Variants in CUX2 observed in about 807,000 individuals in gnomAD.
CUX2 encodes cut like homeobox 2.
A neutral mutation model predicts 144.8 loss-of-function variants in CUX2; 40 were observed. The observed-to-expected ratio is 0.28, with a 90% CI of 0.21 to 0.36. The LOEUF (loss-of-function observed/expected upper bound fraction) is 0.36. Ranked by LOEUF, CUX2 falls within the 10% of genes least tolerant of loss-of-function variation. CUX2 has a pLI of 1.00. For missense variants in CUX2, 1,615 were observed against 1,994.0 expected (o/e 0.81, Z 3.62); for synonymous variants, 827 against 875.6 (o/e 0.94, Z 0.98).
chr12:111,134,049 G>A (rs1875683282), intron 1 of CUX2, among the ~76,000 whole-genome samples: 1 of 152,146 alleles, frequency 6.6e-6, no homozygotes, highest in African/African-American at 2.4e-5. Flanking sequence ...TGAGATTCTG[G>A]GTCTGATTTT....
At position 111,296,474 on chromosome 12, in the gene CUX2, G is replaced by A. The variant is rs375250431; in HGVS notation, c.639G>A (p.Ala213=). Residue 213 remains alanine (A), a splice_region_variant and synonymous_variant, in exon 8 of 22, where the codon GCG becomes GCA. Coordinates refer to ENST00000261726, the MANE Select transcript of CUX2 (RefSeq NM_015267.4). ...CACCCTGCCTCTGCTTTCTCCCAGC[G>A]CTAAAGGCTACGCAGGCAGAGCTGC... ...AEEKIKVLHS[A]LKATQAELLE... 46 of 1,606,144 alleles carry A rather than the reference G, an allele frequency of 2.9e-5. No homozygotes were observed. The highest frequency in any genetic ancestry group is 2.0e-4 in the African/African-American group (15 of 74,776).
rs567647938 is a variant in CUX2 at position 111,248,060 on chromosome 12, T to C, written c.223-15701T>C. On this transcript the variant is annotated intron_variant, in intron 3 of 21. Coordinates refer to ENST00000261726, the MANE Select transcript of CUX2 (RefSeq NM_015267.4). The stretch of plus-strand genomic sequence containing the variant: ...ACAGGTGCCCGCCACCACGCCTGGC[T>C]AATTTTTTTTCCATATTTTTAGTAG... Among the ~76,000 whole-genome samples the C allele has an allele frequency of 3.9e-5, 6 of 152,132 alleles. No homozygotes were observed. The South Asian group carries it at 1.2e-3, about 32-fold the overall frequency.
intron 1 of CUX2, among the ~76,000 whole-genome samples, chr12:111,042,600 G>C (rs2136003440): frequency 6.6e-6 from 1 of 152,240 alleles, no homozygotes; most frequent in East Asian, 1.9e-4. Context: ...GATAATAGTA[G>C]TAGCCACCTC....
chr12:111,120,093 A>G (rs1213555671), intron 1 of CUX2, among the ~76,000 whole-genome samples: 1 of 152,194 alleles, frequency 6.6e-6, no homozygotes, highest in Non-Finnish European at 1.5e-5. Context: ...GGAGAATTGC[A>G]AAAGGGAATA....
chr12:111,082,199 T>C (rs1182506870), intron 1 of CUX2, among the ~76,000 whole-genome samples: 2 of 152,194 alleles, frequency 1.3e-5, no homozygotes, highest in African/African-American at 4.8e-5. Context: ...TTTTGAGGCA[T>C]CTCTGTGTTG....
intron 1 of CUX2, among the ~76,000 whole-genome samples, chr12:111,083,057 C>T (rs1215513894): frequency 6.6e-6 from 1 of 152,134 alleles, no homozygotes; most frequent in African/African-American, 2.4e-5. Context: ...GGGTGCTTAG[C>T]AGCCTTACTG....
chr12:111,314,041 G>A (rs894759448), intron 16 of CUX2, among the ~76,000 whole-genome samples: 4 of 152,156 alleles, frequency 2.6e-5, no homozygotes, highest in African/African-American at 9.7e-5. Context: ...CCTCCTGCCT[G>A]GTCCCCGGGA....
chr12:111,288,065 G>A (rs912710328), intron 4 of CUX2, among the ~76,000 whole-genome samples: 3 of 152,194 alleles, frequency 2.0e-5, no homozygotes, highest in African/African-American at 7.2e-5. Context: ...TGAAGGAAAG[G>A]TGTAGGCAGT....
intron 1 of CUX2, among the ~76,000 whole-genome samples, chr12:111,193,178 C>T (rs760468407): frequency 2.6e-5 from 4 of 152,060 alleles, no homozygotes; most frequent in Non-Finnish European, 2.9e-5. Flanking sequence ...GAGGAAAGAG[C>T]GACACAGGAG....
intron 1 of CUX2, among the ~76,000 whole-genome samples, chr12:111,109,636 C>T (rs1386600975): frequency 6.6e-6 from 1 of 152,156 alleles, no homozygotes. Flanking sequence ...TTAGAGACCA[C>T]AGTCTGGGTG....
rs1888438402 is a variant in CUX2, at chr12:111,338,214, C to G, written c.3197-72C>G. The G allele has an allele frequency of 9.5e-6, 14 of 1,475,168 alleles. No individual in the cohort carries two copies. In the South Asian group the frequency reaches 1.8e-4, roughly 19 times the overall value. 91.4% of individuals were successfully genotyped at this position (1,475,168 alleles called of 1,614,324 possible). On this transcript the variant is annotated intron_variant, in intron 19 of 21. Coordinates refer to ENST00000261726, the MANE Select transcript of CUX2 (RefSeq NM_015267.4). ...CTCTCCCCTGTGTCTCTGGCCTATT[C>G]CATGTCTCTCCTGGGAGTAGGCTTC...
chr12:111,099,622 G>A (rs779884027), intron 1 of CUX2: 1 of 456,744 alleles, frequency 2.2e-6, no homozygotes, highest in South Asian at 1.5e-5. Context: ...TGGACCTGCA[G>A]GGATCCTGGC....
At chr12:111,328,063 CAA>C (rs973528879) in intron 18 of CUX2, among the ~76,000 whole-genome samples, 8 of 152,014 alleles carry the variant, frequency 5.3e-5, no homozygotes, top group African/African-American at 1.9e-4. Context: ...GTCTCAAAAA[CAA>C]TAATAATAAT....
intron 1 of CUX2, among the ~76,000 whole-genome samples, chr12:111,045,537 C>G (rs1192847413): frequency 6.6e-6 from 1 of 152,198 alleles, no homozygotes; most frequent in Non-Finnish European, 1.5e-5. Context: ...TGGCCTAGGG[C>G]TGGGCATGTT....
At chr12:111,335,042 C>G (rs1888286934) in intron 19 of CUX2, among the ~76,000 whole-genome samples, 2 of 152,168 alleles carry the variant, frequency 1.3e-5, no homozygotes, top group Non-Finnish European at 2.9e-5. Flanking sequence ...CTGCAGTGAG[C>G]TATGATCATG....
In CUX2 at chr12:111,266,495, G is replaced by A. The variant is rs1163763825; in HGVS notation, c.301+2656G>A. ...CAACAAAAAAAAAAAAAAAAGAGACGAGGGTACAGAGATAGCCACTGAGGA... is the reference window on the plus strand; with the variant it reads ...CAACAAAAAAAAAAAAAAAAGAGACAAGGGTACAGAGATAGCCACTGAGGA... On this transcript the variant is annotated intron_variant, in intron 4 of 21. Coordinates refer to ENST00000261726, the MANE Select transcript of CUX2 (RefSeq NM_015267.4). 2.0e-5 allele frequency among the ~76,000 whole-genome samples: 3 copies of A among 150,780 alleles called. No individual in the cohort carries two copies. The East Asian group carries it at 5.8e-4, about 29-fold the overall frequency.
intron 1 of CUX2, among the ~76,000 whole-genome samples, chr12:111,206,888 G>T (rs1880948920): frequency 6.6e-6 from 1 of 152,222 alleles, no homozygotes; most frequent in African/African-American, 2.4e-5. Flanking sequence ...TGGTTGGTTG[G>T]ATGGGTAGAT....
intron 8 of CUX2, among the ~76,000 whole-genome samples, chr12:111,298,156 G>A (rs147846247): frequency 1.3e-3 from 201 of 152,342 alleles, no homozygotes; most frequent in Non-Finnish European, 2.3e-3. Flanking sequence ...CCTGCAGGGG[G>A]CTGGGCAGCG....
intron 1 of CUX2, among the ~76,000 whole-genome samples, chr12:111,080,085 T>C (rs1871788992): frequency 6.6e-6 from 1 of 152,194 alleles, no homozygotes. Context: ...TATCTGGCCT[T>C]CTTGTTTCTT....
Sources: allele counts gnomAD v4.1 joint callset (sites outside exome capture counted in the v4.1 genomes callset), GRCh38; gene constraint gnomAD v4.1.1; transcripts MANE v1.5; gene names NCBI Gene and HGNC (gene_info 2026-07-23, HGNC 2026-07-21).